RCAN1: variants seen among roughly 807,000 people sequenced by gnomAD.
RCAN1 encodes calcipressin-1.
RCAN1 carries 11 observed loss-of-function variants against 22.9 expected under a neutral mutation model. That is an observed-to-expected ratio of 0.48 (90% CI 0.30 to 0.79). RCAN1 has a LOEUF of 0.79. Among genes scored for constraint, RCAN1 ranks in the 30% least tolerant of loss-of-function variants. The pLI is 0.06. For missense variants in RCAN1, 291 were observed against 337.8 expected, an observed-to-expected ratio of 0.86 and a Z score of 1.09; for synonymous variants, 136 against 142.3, an observed-to-expected ratio of 0.96 and a Z score of 0.32.
At position 34,579,003 on chromosome 21, in the gene RCAN1, A is replaced by G. The variant is rs1451705602; in HGVS notation, c.252+35757T>C. ...CAAACAGACAAACAAAAACAAGCCAACAAAAAAAAGGACTTGCATCCAGTG... is the reference window on the plus strand; with the variant it reads ...CAAACAGACAAACAAAAACAAGCCAGCAAAAAAAAGGACTTGCATCCAGTG... On this transcript the variant is annotated intron_variant, in intron 1 of 3. Transcript: ENST00000313806. Among the ~76,000 whole-genome samples, 3 of 152,274 alleles carry G rather than the reference A, an allele frequency of 2.0e-5. No individual in the cohort carries two copies. In the East Asian group the frequency reaches 5.8e-4, roughly 29 times the overall value.
At chr21:34,564,476 G>A (rs998572473) in intron 1 of RCAN1, among the ~76,000 whole-genome samples, 4 of 152,120 alleles carry the variant, frequency 2.6e-5, no homozygotes, top group African/African-American at 7.2e-5. Flanking sequence ...GCCCTGGGCC[G>A]CCCAGAGCCT....
chr21:34,606,245 A>G (rs1163050489), intron 1 of RCAN1, among the ~76,000 whole-genome samples: 2 of 152,222 alleles, frequency 1.3e-5, no homozygotes, highest in Non-Finnish European at 2.9e-5. Context: ...TTCAGCACAT[A>G]GGCCCCTCCA....
chr21:34,522,860 G>A (rs1984685906), intron 2 of RCAN1: 1 of 152,182 alleles, frequency 6.6e-6, no homozygotes, highest in Non-Finnish European at 1.5e-5. Flanking sequence ...GGAACTCTGG[G>A]AGCTGCCTTG....
chr21:34,547,011 G>C (rs542598943), intron 1 of RCAN1, among the ~76,000 whole-genome samples: 1 of 152,080 alleles, frequency 6.6e-6, no homozygotes, highest in Non-Finnish European at 1.5e-5. Context: ...CCCTAGTTTG[G>C]GGCCCACACT....
chr21:34,516,657 C>A lies in RCAN1; in HGVS notation c.*1427G>T, dbSNP rs14676. The A allele has an allele frequency of 6.8e-4, 104 of 152,318 alleles. 1 individual carries two copies. Among genetic ancestry groups the A allele is most frequent in the African/African-American group, 2.4e-3 (101 of 41,558 alleles). The allele number at this position is 152,318 out of a possible 1,614,324, so 9.4% of individuals were successfully genotyped here. ...AAGTACCGTAAACAGGGTTTGAGAACGTTCAATCAATTTCTTGATATGAAC... is the reference window on the plus strand; with the variant it reads ...AAGTACCGTAAACAGGGTTTGAGAAAGTTCAATCAATTTCTTGATATGAAC... On this transcript the variant is annotated 3_prime_UTR_variant, in exon 4 of 4. Transcript: ENST00000313806.
intron 1 of RCAN1, among the ~76,000 whole-genome samples, chr21:34,599,715 C>T (rs1988272087): frequency 6.6e-6 from 1 of 152,116 alleles, no homozygotes; most frequent in Non-Finnish European, 1.5e-5. Flanking sequence ...CCAACTATTA[C>T]TTTGATAGTT....
chr21:34,528,926 T>A (rs1011744473), intron 1 of RCAN1, among the ~76,000 whole-genome samples: 1 of 150,642 alleles, frequency 6.6e-6, no homozygotes, highest in African/African-American at 2.5e-5. Flanking sequence ...CTCACCCGAA[T>A]ATACAATTTT....
At position 34,614,845 on chromosome 21, in the gene RCAN1, A is replaced by G; in HGVS notation, c.167T>C (p.Met56Thr). The G allele has an allele frequency of 6.7e-7, 1 of 1,481,892 alleles. No individual in the cohort carries two copies. The highest frequency in any genetic ancestry group is 9.0e-7 in the Non-Finnish European group (1 of 1,113,894). 91.8% of individuals were successfully genotyped at this position (1,481,892 alleles called of 1,614,324 possible). A position where few individuals can be genotyped will look rare whatever the true frequency, so the allele number is the denominator to read the frequency against. The change falls in exon 1 of 4, where the codon ATG becomes ACG. Residue 56 changes from methionine to threonine, a missense_variant. Coordinates refer to ENST00000313806, the MANE Select transcript of RCAN1 (RefSeq NM_004414.7). This position sits in a 1 kb window ranked among gnomAD's most constrained non-coding sequence, Gnocchi z 6.0. ...CAGGTCCTGCAGGTCCACCTCCTCC[A>G]TCTCGCAGTCAATGAAGCTCCAGTC... ...GGDWSFIDCEMEEVDLQDLPS... is the reference protein window; with the variant it reads ...GGDWSFIDCETEEVDLQDLPS...
At chr21:34,527,280 C>T (rs1339434560) in intron 1 of RCAN1, among the ~76,000 whole-genome samples, 1 of 151,886 alleles carries the variant, frequency 6.6e-6, no homozygotes, top group Non-Finnish European at 1.5e-5. Flanking sequence ...ACCTGGAAAC[C>T]AAAGTCCGGG....
intron 1 of RCAN1, among the ~76,000 whole-genome samples, chr21:34,551,174 G>C (rs1236620295): frequency 6.6e-6 from 1 of 152,164 alleles, no homozygotes; most frequent in African/African-American, 2.4e-5. Flanking sequence ...GTGACGCTAA[G>C]GGAAAACATT....
chr21:34,603,173 G>GT lies in RCAN1; in HGVS notation c.252+11586dup, dbSNP rs1250087564. On this transcript the variant is annotated intron_variant, in intron 1 of 3. Transcript: ENST00000313806. ...TTGCCTTTGATGCCTGAAATAAAGT[G>GT]TAAGTCAACCAGCAAGCTCCACTGC... Among the ~76,000 whole-genome samples the GT allele has an allele frequency of 1.1e-3, 162 of 152,290 alleles. 2 individuals carry two copies. The highest frequency in any genetic ancestry group is 3.7e-3 in the African/African-American group (153 of 41,564).
At position 34,543,116 on chromosome 21, in the gene RCAN1, G is replaced by A. The variant is rs189592475; in HGVS notation, c.253-19406C>T. ...GTGCATAGGAAGTTTCCATGAAAGC[G>A]TTCACTGTTATGATCCACATAGGTG... On this transcript the variant is annotated intron_variant, in intron 1 of 3. Transcript: ENST00000313806. Among the ~76,000 whole-genome samples, 7 of 152,340 alleles carry A rather than the reference G, an allele frequency of 4.6e-5. No individual in the cohort carries two copies. In the East Asian group the frequency reaches 5.8e-4, roughly 13 times the overall value.
chr21:34,588,658 T>C (rs1987875700), intron 1 of RCAN1, among the ~76,000 whole-genome samples: 1 of 152,206 alleles, frequency 6.6e-6, no homozygotes, highest in Non-Finnish European at 1.5e-5. Context: ...AATTACCACA[T>C]GATCCAGCAA....
intron 1 of RCAN1, among the ~76,000 whole-genome samples, chr21:34,558,788 T>G (rs527677735): frequency 7.9e-5 from 12 of 152,320 alleles, no homozygotes; most frequent in African/African-American, 2.6e-4. Context: ...GGGAGAACAT[T>G]TCATCTCCTG....
At chr21:34,554,573 G>A (rs879431439) in intron 1 of RCAN1, among the ~76,000 whole-genome samples, 7 of 152,184 alleles carry the variant, frequency 4.6e-5, no homozygotes, top group African/African-American at 1.7e-4. Context: ...TTGGTGTACA[G>A]CAATAGTCAG....
intron 1 of RCAN1, among the ~76,000 whole-genome samples, chr21:34,610,295 A>G (rs1203634440): frequency 2.0e-5 from 3 of 152,198 alleles, no homozygotes; most frequent in Non-Finnish European, 2.9e-5. Flanking sequence ...ACCAGAAAAC[A>G]AGTTTTGGGA....
At chr21:34,610,269 C>T (rs1314985502) in intron 1 of RCAN1, among the ~76,000 whole-genome samples, 5 of 152,192 alleles carry the variant, frequency 3.3e-5, no homozygotes, top group Admixed American at 2.0e-4. Flanking sequence ...AAATTGCTTT[C>T]GAATGATGTC....
chr21:34,567,782 T>A (rs1259766885), intron 1 of RCAN1, among the ~76,000 whole-genome samples: 1 of 152,194 alleles, frequency 6.6e-6, no homozygotes, highest in Non-Finnish European at 1.5e-5. Flanking sequence ...TTCCCACTTG[T>A]CGCTGCTGTT....
intron 1 of RCAN1, among the ~76,000 whole-genome samples, chr21:34,530,382 A>C (rs1985312314): frequency 6.6e-6 from 1 of 152,180 alleles, no homozygotes. Context: ...GCATTCTGAA[A>C]GCATCATTAG....
Sources: gnomAD v4.1 joint callset for allele counts (sites outside exome capture counted in the v4.1 genomes callset) on GRCh38, gnomAD v4.1.1 for gene constraint, Gnocchi (gnomAD v3.1) non-coding constraint, MANE v1.5 for transcripts, NCBI Gene and HGNC (gene_info 2026-07-23, HGNC 2026-07-21) for gene names.